The following NOSTRIN variants were observed in gnomAD, a reference collection of about 807,000 sequenced individuals.
NOSTRIN encodes nitric oxide synthase trafficking.
NOSTRIN carries 63 observed loss-of-function variants against 59.0 expected under a neutral mutation model. That is an observed-to-expected ratio of 1.07 (90% CI 0.87 to 1.32). The LOEUF (loss-of-function observed/expected upper bound fraction) is 1.32. Among genes scored for constraint, NOSTRIN ranks in the 40% most tolerant of loss-of-function variants. NOSTRIN has a pLI of 0.00. For synonymous variants in NOSTRIN, 200 were observed against 165.4 expected, an observed-to-expected ratio of 1.21 and a Z score of -1.61; for missense variants, 512 against 473.1, an observed-to-expected ratio of 1.08 and a Z score of -0.76.
In NOSTRIN at chr2:168,856,603, C is replaced by T. The variant is rs1354654702; in HGVS notation, c.965-87C>T. ...AAAAAAAATCTCACTGGTATCACTT[C>T]TAGGCTCCCTTTGAGAGCGACCGAC... On this transcript the variant is annotated intron_variant, in intron 11 of 15. Coordinates refer to ENST00000317647, the MANE Select transcript of NOSTRIN (RefSeq NM_001039724.4). The T allele has an allele frequency of 9.2e-6, 11 of 1,191,456 alleles. No homozygotes were observed. The African/African-American group carries it at 1.1e-4, about 11-fold the overall frequency. The allele number at this position is 1,191,456 out of a possible 1,614,324, so 73.8% of individuals were successfully genotyped here. A position where few individuals can be genotyped will look rare whatever the true frequency, so the allele number is the denominator to read the frequency against.
chr2:168,841,150 C>T (rs980066299), intron 7 of NOSTRIN, among the ~76,000 whole-genome samples: 7 of 148,450 alleles, frequency 4.7e-5, no homozygotes, highest in African/African-American at 1.8e-4. Flanking sequence ...TTGCTTGAAC[C>T]CGGGACAAGG....
At chr2:168,850,947 T>C (rs1288571265) in intron 8 of NOSTRIN, 137 bp from the exon 9 acceptor site, 1 of 810,634 alleles carries the variant, frequency 1.2e-6, no homozygotes, top group Admixed American at 2.0e-5. Flanking sequence ...CCCTCCACTA[T>C]GGTTTGGATA....
intron 3 of NOSTRIN, among the ~76,000 whole-genome samples, chr2:168,825,188 T>A (rs1686992742): frequency 6.6e-6 from 1 of 152,250 alleles, no homozygotes; most frequent in African/African-American, 2.4e-5. Flanking sequence ...ACTGTGTTAA[T>A]GCTTTACTGA....
Position 168,837,414 on chromosome 2 carries a change from A to G in NOSTRIN, c.504+3089A>G, listed in dbSNP as rs139463032. Among the ~76,000 whole-genome samples, 1,410 of 142,852 alleles carry G rather than the reference A, an allele frequency of 9.9e-3. 20 individuals carry two copies. The highest frequency in any genetic ancestry group is 0.035 in the African/African-American group (1,318 of 37,882). 93.7% of individuals were successfully genotyped at this position (142,852 alleles called of 152,430 possible). On this transcript the variant is annotated intron_variant, in intron 7 of 15. Transcript: ENST00000317647. ...AAGCTCCGCCTTCTGGGTTCATGAC[A>G]TTCTCCTGCCTCAGCCTCCCGAGTA...
chr2:168,846,246 T>G (rs892349852), intron 8 of NOSTRIN, among the ~76,000 whole-genome samples: 13 of 152,178 alleles, frequency 8.5e-5, no homozygotes, highest in African/African-American at 1.2e-4. Flanking sequence ...CTGAATTGAC[T>G]CAAAGAGGAA....
upstream of NOSTRIN, among the ~76,000 whole-genome samples, chr2:168,798,559 G>C (rs969343863): frequency 2.0e-5 from 3 of 152,160 alleles, no homozygotes; most frequent in Non-Finnish European, 4.4e-5. Flanking sequence ...TCTGCAGAGA[G>C]GCCATACCAG....
In NOSTRIN at chr2:168,849,615, C is replaced by T. The variant is rs1267251156; in HGVS notation, c.631-1469C>T. On this transcript the variant is annotated intron_variant, in intron 8 of 15. Transcript: ENST00000317647. ...AGGTAGTTCACCCGTCTCGGCCTCC[C>T]AAAATGCTGGGATTATAGGCATGAG... Among the ~76,000 whole-genome samples the T allele has an allele frequency of 5.2e-5, 7 of 135,724 alleles. 1 individual carries two copies. The highest frequency in any genetic ancestry group is 1.7e-4 in the African/African-American group (6 of 34,750). 89.0% of individuals were successfully genotyped at this position (135,724 alleles called of 152,430 possible). A position where few individuals can be genotyped will look rare whatever the true frequency, so the allele number is the denominator to read the frequency against.
At chr2:168,819,251 G>A (rs941839803) in intron 2 of NOSTRIN, among the ~76,000 whole-genome samples, 19 of 152,092 alleles carry the variant, frequency 1.2e-4, no homozygotes, top group Admixed American at 3.9e-4. Flanking sequence ...TCTAAGTGGG[G>A]TGTGCCTTGC....
chr2:168,792,049 G>A (rs1019205372), intron 2 of NOSTRIN, among the ~76,000 whole-genome samples: 1 of 152,074 alleles, frequency 6.6e-6, no homozygotes, highest in Admixed American at 6.6e-5. Context: ...TAGACATGAA[G>A]TCCTTGCCCA....
intron 6 of NOSTRIN, among the ~76,000 whole-genome samples, chr2:168,832,050 C>A (rs963452352): frequency 4.6e-5 from 7 of 152,062 alleles, no homozygotes; most frequent in African/African-American, 1.4e-4. Flanking sequence ...GTGATCTCTA[C>A]ATCATTAGTG....
chr2:168,797,079 C>CTTTTCTT (rs1553519713), upstream of NOSTRIN, among the ~76,000 whole-genome samples: 2,135 of 74,924 alleles, frequency 0.028, 29 homozygotes, highest in East Asian at 0.051. Context: ...TTTCTTTTTT[C>CTTTTCTT]TTTTTTTTTT....
At chr2:168,824,750 AC>A (rs1358573110) in intron 3 of NOSTRIN, 33 bp downstream of exon 3, 3 of 860,292 alleles carry the variant, frequency 3.5e-6, no homozygotes, top group East Asian at 2.5e-5. Flanking sequence ...GGCAAAATCA[AC>A]CCTTTTTTTA....
At chr2:168,841,289 T>TC (rs1688093629) in intron 7 of NOSTRIN, among the ~76,000 whole-genome samples, 2 of 89,236 alleles carry the variant, frequency 2.2e-5, no homozygotes, top group African/African-American at 1.0e-4. Flanking sequence ...TATTGAATGC[T>TC]TTAAATATAT....
intron 5 of NOSTRIN, among the ~76,000 whole-genome samples, chr2:168,829,327 T>C (rs1204468370): frequency 6.6e-6 from 1 of 151,718 alleles, no homozygotes; most frequent in African/African-American, 2.4e-5. Context: ...TCTCTCCCTT[T>C]CTTTCTTTTT....
intron 2 of NOSTRIN, among the ~76,000 whole-genome samples, chr2:168,790,051 G>C (rs1297072239): frequency 6.6e-6 from 1 of 152,182 alleles, no homozygotes; most frequent in Non-Finnish European, 1.5e-5. Context: ...GCTCATTCTT[G>C]TTTTAGTCAA....
In NOSTRIN at chr2:168,864,877, G is replaced by C. The variant is rs1479226383; in HGVS notation, c.1428G>C (p.Trp476Cys). The stretch of plus-strand genomic sequence containing the variant: ...ACGAGAAAAAAGAAGGAGGATGGTG[G>C]TTTGGATCTTTGAATGGGAAAAAAG... ...IIHEKKEGGW[W>C]FGSLNGKKGH... is the part of the protein sequence containing the mutation. The change falls in exon 16 of 16, where the codon TGG (tryptophan) becomes TGC (cysteine). Residue 476 changes from tryptophan to cysteine, a missense_variant. Transcript: ENST00000317647. The C allele has an allele frequency of 6.2e-7, 1 of 1,613,966 alleles. No homozygotes were observed. The highest frequency in any genetic ancestry group is 1.7e-5 in the Admixed American group (1 of 60,016).
intron 2 of NOSTRIN, among the ~76,000 whole-genome samples, chr2:168,817,813 C>A (rs190657214): frequency 3.4e-4 from 52 of 152,224 alleles, no homozygotes; most frequent in Non-Finnish European, 5.9e-4. Context: ...TTAAGACAAT[C>A]GATAATGCTG....
intron 8 of NOSTRIN, 169 bp from the exon 9 acceptor site, chr2:168,850,915 A>T (rs983267565): frequency 1.0e-5 from 8 of 799,180 alleles, no homozygotes; most frequent in Admixed American, 4.0e-5. Context: ...AGATACCAAG[A>T]CACATTCCTT....
chr2:168,851,526 C>A, intron 10 of NOSTRIN, 122 bp downstream of exon 10: 2 of 1,384,154 alleles, frequency 1.4e-6, no homozygotes, highest in Non-Finnish European at 1.9e-6. Flanking sequence ...TCTCATACCC[C>A]ATATAAATTT....
Sources: gnomAD v4.1 joint callset for allele counts (sites outside exome capture counted in the v4.1 genomes callset) on GRCh38, gnomAD v4.1.1 for gene constraint, MANE v1.5 for transcripts, NCBI Gene and HGNC (gene_info 2026-07-23, HGNC 2026-07-21) for gene names.